Variants in TRAPPC13 observed in about 807,000 individuals in gnomAD.
TRAPPC13 encodes the protein trafficking protein particle complex subunit 13.
A neutral mutation model predicts 54.0 loss-of-function variants in TRAPPC13; 39 were observed. The ratio of observed to expected loss-of-function variants is 0.72; its 90% CI spans 0.56 to 0.94. The LOEUF (loss-of-function observed/expected upper bound fraction) is 0.94, where lower values mean the gene tolerates loss of function less well. Among genes scored for constraint, TRAPPC13 ranks in the 40% least tolerant of loss-of-function variants. The pLI is 0.00. For missense variants in TRAPPC13, 386 were observed against 488.1 expected (o/e 0.79, Z 1.97); for synonymous variants, 148 against 167.7 (o/e 0.88, Z 0.91).
In TRAPPC13 at chr5:65,665,051, C is replaced by T. The variant is rs1342089170; in HGVS notation, c.*440C>T. ...GAGCAGCCAGTAGGCAAAAAAAGTA[C>T]AGTGGTGTACACAAAAAGAAGCAGT... On this transcript the variant is annotated 3_prime_UTR_variant, in exon 13 of 13. Coordinates refer to ENST00000399438, the MANE Select transcript of TRAPPC13 (RefSeq NM_024941.4). 1 of 181,038 alleles carries T rather than the reference C, an allele frequency of 5.5e-6. No homozygotes were observed. Among genetic ancestry groups the T allele is most frequent in the Non-Finnish European group, 1.1e-5 (1 of 87,468 alleles). 11.2% of individuals were successfully genotyped at this position (181,038 alleles called of 1,614,324 possible).
In TRAPPC13 at chr5:65,664,577, G is replaced by T. The variant is rs764408927; in HGVS notation, c.1220G>T (p.Cys407Phe). The T allele has an allele frequency of 5.0e-6, 8 of 1,612,546 alleles. No individual in the cohort carries two copies. The highest frequency in any genetic ancestry group is 6.8e-6 in the Non-Finnish European group (8 of 1,179,612). The change falls in exon 13 of 13, where the codon TGT becomes TTT. Residue 407 changes from cysteine (C) to phenylalanine (F), a missense_variant. By Grantham distance (205) the Cys-to-Phe change is radical (BLOSUM62 -2). Transcript: ENST00000399438. ...GAATATGATGACATCGCACAAGTCT[G>T]TGTGGTATCTTCTGCCATTAAAGTG... ...TYEYDDIAQVCVVSSAIKVES is the reference protein window; with the variant it reads ...TYEYDDIAQVFVVSSAIKVES
Position 65,637,799 on chromosome 5 carries a change from T to G in TRAPPC13, c.300+19T>G. On this transcript the variant is annotated intron_variant, in intron 4 of 12. Transcript: ENST00000399438. ...AGTAAAAGTAAGTAACATTCTTACT[T>G]GGGATGTATTTTAGTCTTTAACAAA... 6.9e-7 allele frequency: 1 copy of G among 1,454,966 alleles called. No individual in the cohort carries two copies. The highest frequency in any genetic ancestry group is 1.4e-5 in the African/African-American group (1 of 69,552). The allele number at this position is 1,454,966 out of a possible 1,614,324, so 90.1% of individuals were successfully genotyped here. A position where few individuals can be genotyped will look rare whatever the true frequency, so the allele number is the denominator to read the frequency against.
At chr5:65,656,674 G>A (rs1371110396) in intron 8 of TRAPPC13, among the ~76,000 whole-genome samples, 1 of 152,086 alleles carries the variant, frequency 6.6e-6, no homozygotes. Context: ...TTGGGAGGCC[G>A]AGGCGAGCGG....
At chr5:65,643,505 CAT>C (rs1261654897) in intron 4 of TRAPPC13, among the ~76,000 whole-genome samples, 1 of 151,974 alleles carries the variant, frequency 6.6e-6, no homozygotes, top group Non-Finnish European at 1.5e-5. Context: ...TCTAAAATCT[CAT>C]ATATTTTGCT....
At chr5:65,642,406 C>G (rs1385290755) in intron 4 of TRAPPC13, among the ~76,000 whole-genome samples, 1 of 151,742 alleles carries the variant, frequency 6.6e-6, no homozygotes, top group Non-Finnish European at 1.5e-5. Flanking sequence ...AGTTAGCTAG[C>G]TCTTGGTTTG....
Position 65,625,991 on chromosome 5 carries a change from T to G in TRAPPC13, c.46+885T>G, listed in dbSNP as rs756839532. 2.6e-5 allele frequency: 4 copies of G among 152,354 alleles called. No homozygotes were observed. The South Asian group carries it at 8.3e-4, about 32-fold the overall frequency. The allele number at this position is 152,354 out of a possible 1,614,324, so 9.4% of individuals were successfully genotyped here. A position where few individuals can be genotyped will look rare whatever the true frequency, so the allele number is the denominator to read the frequency against. ...TGTAGTCATCAGACTTTCTAGAAGC[T>G]CATCAGTCTCATATAATGATGCCTG... On this transcript the variant is annotated intron_variant, in intron 1 of 12. Transcript: ENST00000399438.
At chr5:65,644,376 T>C (rs1235906774) in intron 4 of TRAPPC13, among the ~76,000 whole-genome samples, 2 of 152,142 alleles carry the variant, frequency 1.3e-5, no homozygotes, top group African/African-American at 4.8e-5. Context: ...TCTGAAGACA[T>C]CTTGAGCTTT....
intron 4 of TRAPPC13, among the ~76,000 whole-genome samples, chr5:65,644,654 G>A (rs564516071): frequency 6.6e-6 from 1 of 152,284 alleles, no homozygotes; most frequent in Non-Finnish European, 1.5e-5. Flanking sequence ...GCCCGAGGCG[G>A]CAGATCACTT....
chr5:65,635,676 T>C lies in TRAPPC13; in HGVS notation c.116-268T>C, dbSNP rs1482096697. 1.3e-5 allele frequency among the ~76,000 whole-genome samples: 2 copies of C among 149,780 alleles called. 1 individual carries two copies. The highest frequency in any genetic ancestry group is 4.9e-5 in the African/African-American group (2 of 40,796). ...CATCAATGTATGTATTAGCATTCCCTTTTTTTTTTAAGAATTATTGGGGCT... is the reference window on the plus strand; with the variant it reads ...CATCAATGTATGTATTAGCATTCCCCTTTTTTTTTAAGAATTATTGGGGCT... On this transcript the variant is annotated intron_variant, in intron 2 of 12. Transcript: ENST00000399438.
At chr5:65,635,273 T>A in intron 1 of TRAPPC13, 28 bp from the exon 2 acceptor site, 1 of 1,594,206 alleles carries the variant, frequency 6.3e-7, no homozygotes, top group Non-Finnish European at 8.6e-7. Context: ...ATTAATGTTT[T>A]GTTTTCTTTT....
At chr5:65,643,267 T>C (rs1311043675) in intron 4 of TRAPPC13, among the ~76,000 whole-genome samples, 2 of 152,090 alleles carry the variant, frequency 1.3e-5, no homozygotes, top group African/African-American at 4.8e-5. Context: ...TGATGATGTC[T>C]TATGACCCAA....
intron 1 of TRAPPC13, chr5:65,630,476 T>C (rs1755494220): frequency 7.2e-7 from 1 of 1,387,204 alleles, no homozygotes. Context: ...AGTCAAGAAA[T>C]TGCTGAGTTC....
In TRAPPC13 at chr5:65,631,275, GA is replaced by G. The variant is rs199550703; in HGVS notation, c.47-4025del. On this transcript the variant is annotated intron_variant, in intron 1 of 12. Coordinates refer to ENST00000399438, the MANE Select transcript of TRAPPC13 (RefSeq NM_024941.4). ...TGAAGCTCAGTGCCTGTCATGGTAGGAGCTTGATAATGCATGGTAAACATTC... is the reference window on the plus strand; with the variant it reads ...TGAAGCTCAGTGCCTGTCATGGTAGGGCTTGATAATGCATGGTAAACATTC... Among the ~76,000 whole-genome samples, 93 of 152,306 alleles carry G rather than the reference GA, an allele frequency of 6.1e-4. 3 individuals carry two copies. In the East Asian group the frequency reaches 0.017, roughly 27 times the overall value.
At chr5:65,632,787 T>C (rs1294850846) in intron 1 of TRAPPC13, among the ~76,000 whole-genome samples, 1 of 152,222 alleles carries the variant, frequency 6.6e-6, no homozygotes, top group Non-Finnish European at 1.5e-5. Flanking sequence ...TCAGAAATTT[T>C]AAGGGTAGCA....
chr5:65,648,256 T>A (rs1377871514), intron 5 of TRAPPC13, among the ~76,000 whole-genome samples: 1 of 152,228 alleles, frequency 6.6e-6, no homozygotes, highest in Non-Finnish European at 1.5e-5. Context: ...TCTACTTCTC[T>A]TTCAAATCTC....
chr5:65,655,677 T>C, intron 8 of TRAPPC13, 24 bp downstream of exon 8: 1 of 827,336 alleles, frequency 1.2e-6, no homozygotes, highest in Non-Finnish European at 1.7e-6. Flanking sequence ...TTATTATAAA[T>C]TTTTATACTT....
intron 5 of TRAPPC13, 95 bp from the exon 6 acceptor site, chr5:65,650,711 ATAAG>A (rs1417990142): frequency 6.8e-6 from 6 of 881,802 alleles, no homozygotes; most frequent in Non-Finnish European, 9.1e-6. Context: ...CACCATAGAT[ATAAG>A]TGTTTTCCAA....
Position 65,639,043 on chromosome 5 carries a change from C to T in TRAPPC13, c.300+1263C>T, listed in dbSNP as rs567292536. Among the ~76,000 whole-genome samples the T allele has an allele frequency of 1.7e-4, 26 of 152,290 alleles. No homozygotes were observed. In the East Asian group the frequency reaches 5.0e-3, roughly 29 times the overall value. ...AGGTTGCAGTGAGCCAAGACTGTGC[C>T]ACTGCACTCCAGGCTGCCTGGGTGA... is the stretch of plus-strand genomic sequence containing the variant. On this transcript the variant is annotated intron_variant, in intron 4 of 12. Transcript: ENST00000399438.
chr5:65,647,162 C>G lies in TRAPPC13; in HGVS notation c.408C>G (p.Val136=), dbSNP rs377246348. Reference sequence around the variant, plus strand: ...TTGATGATGTCATACATCATGAAGTCAAAGAAATTGGAACACACATGTAAG... The same window carrying G: ...TTGATGATGTCATACATCATGAAGTGAAAGAAATTGGAACACACATGTAAG... ...CCIDDVIHHE[V]KEIGTHILVC... is the part of the protein sequence containing the mutation. Residue 136 remains valine (V), a synonymous_variant, in exon 5 of 13, where the codon GTC becomes GTG. Transcript: ENST00000399438. 8.8e-6 allele frequency: 14 copies of G among 1,585,294 alleles called. No homozygotes were observed. Among genetic ancestry groups the G allele is most frequent in the Non-Finnish European group, 1.2e-5 (14 of 1,164,720 alleles).
Sources: gnomAD v4.1 joint callset for allele counts (sites outside exome capture counted in the v4.1 genomes callset) on GRCh38, gnomAD v4.1.1 for gene constraint, MANE v1.5 for transcripts, NCBI Gene and HGNC (gene_info 2026-07-23, HGNC 2026-07-21) for gene names.